EPC2: variants seen among roughly 807,000 people sequenced by gnomAD.
EPC2 encodes enhancer of polycomb 2, also known as enhancer of polycomb homolog 2.
In EPC2, 14 loss-of-function variants were observed where a neutral mutation model predicts 92.1. The observed-to-expected ratio is 0.15, with a 90% CI of 0.10 to 0.24. The LOEUF is 0.24. EPC2 is among the 10% of genes least tolerant of loss of function. EPC2 has a pLI of 1.00. For missense variants in EPC2, 755 were observed against 971.5 expected, an observed-to-expected ratio of 0.78 and a Z score of 2.96; for synonymous variants, 340 against 334.7, an observed-to-expected ratio of 1.02 and a Z score of -0.17.
At chr2:148,750,496 C>G (rs1683065127) in intron 3 of EPC2, among the ~76,000 whole-genome samples, 1 of 151,922 alleles carries the variant, frequency 6.6e-6, no homozygotes, top group African/African-American at 2.4e-5. Context: ...CTTCCATTTT[C>G]TGGGTCTTTG....
chr2:148,714,139 A>G (rs1052980313), intron 2 of EPC2, among the ~76,000 whole-genome samples: 1 of 132,066 alleles, frequency 7.6e-6, no homozygotes, highest in South Asian at 2.4e-4. Context: ...TTCAGCTCCC[A>G]TTTCTAAGTG....
intron 10 of EPC2, among the ~76,000 whole-genome samples, chr2:148,774,957 T>C (rs1380521302): frequency 6.6e-6 from 1 of 150,868 alleles, no homozygotes; most frequent in Non-Finnish European, 1.5e-5. Flanking sequence ...GGCGTGGTGG[T>C]GGGCGCCTGT....
At chr2:148,710,261 C>G (rs1294401944) in intron 2 of EPC2, among the ~76,000 whole-genome samples, 3 of 152,244 alleles carry the variant, frequency 2.0e-5, no homozygotes, top group Admixed American at 6.5e-5. Flanking sequence ...CTCATCATCA[C>G]TGGTCATCAG....
intron 1 of EPC2, among the ~76,000 whole-genome samples, chr2:148,652,927 T>C (rs1317127598): frequency 2.0e-5 from 3 of 152,232 alleles, no homozygotes; most frequent in Non-Finnish European, 4.4e-5. Flanking sequence ...TATTCTGAAG[T>C]TCAGTAGTAC....
At chr2:148,762,923 C>T in intron 6 of EPC2, 121 bp downstream of exon 6, 1 of 1,099,086 alleles carries the variant, frequency 9.1e-7, no homozygotes, top group Non-Finnish European at 1.2e-6. Context: ...GACTTTAGTT[C>T]TTACCATGAG....
intron 8 of EPC2, among the ~76,000 whole-genome samples, chr2:148,769,681 A>T (rs1558835433): frequency 6.6e-6 from 1 of 152,158 alleles, no homozygotes; most frequent in Non-Finnish European, 1.5e-5. Flanking sequence ...TACTTCCATA[A>T]TGGCAATGTT....
At chr2:148,724,218 A>G (rs182597652) in intron 2 of EPC2, among the ~76,000 whole-genome samples, 5 of 152,160 alleles carry the variant, frequency 3.3e-5, no homozygotes, top group Admixed American at 3.3e-4. Flanking sequence ...ATTTTTTTAA[A>G]AATAAATTTT....
rs761508878 is a variant in EPC2, at chr2:148,786,373, CAT to C, written c.2422_2423del (p.Ter808ThrfsTer2). 46 of 1,607,780 alleles carry C rather than the reference CAT, an allele frequency of 2.9e-5. No individual in the cohort carries two copies. Among genetic ancestry groups the C allele is most frequent in the Non-Finnish European group, 3.4e-6 (4 of 1,176,926 alleles). On this transcript the variant is annotated frameshift_variant and stop_lost, in exon 14 of 14. Coordinates refer to ENST00000258484, the MANE Select transcript of EPC2 (RefSeq NM_015630.4). LOFTEE classifies it high-confidence loss of function. ...GAGACAACAGTAGCTATGGAAGTGACATAACCTAAAACACGTGGCTCTGACCT... is the reference window on the plus strand; with the variant it reads ...GAGACAACAGTAGCTATGGAAGTGACAACCTAAAACACGTGGCTCTGACCT...
intron 2 of EPC2, among the ~76,000 whole-genome samples, chr2:148,741,001 CTT>C (rs1682870039): frequency 6.6e-6 from 1 of 152,034 alleles, no homozygotes; most frequent in South Asian, 2.1e-4. Flanking sequence ...ATTAGATTGA[CTT>C]TTTAAAAGCA....
At chr2:148,653,905 T>A (rs1680735711) in intron 1 of EPC2, among the ~76,000 whole-genome samples, 1 of 152,104 alleles carries the variant, frequency 6.6e-6, no homozygotes, top group African/African-American at 2.4e-5. Flanking sequence ...CTCATCTGTT[T>A]AATAAGTATC....
At chr2:148,648,641 C>A (rs1043579310) in intron 1 of EPC2, among the ~76,000 whole-genome samples, 6 of 152,110 alleles carry the variant, frequency 3.9e-5, no homozygotes, top group African/African-American at 1.4e-4. Flanking sequence ...TTCCCATTCC[C>A]CCTCTATCCC....
At chr2:148,763,546 G>T (rs747568824) in intron 6 of EPC2, among the ~76,000 whole-genome samples, 2 of 152,152 alleles carry the variant, frequency 1.3e-5, no homozygotes, top group Admixed American at 6.5e-5. Context: ...ATGACCTAGG[G>T]TGTTTGTGGA....
chr2:148,694,677 T>C (rs1235696497), intron 2 of EPC2, among the ~76,000 whole-genome samples: 1 of 152,242 alleles, frequency 6.6e-6, no homozygotes, highest in African/African-American at 2.4e-5. Flanking sequence ...TGATCTCCTA[T>C]TACCTGTTTT....
intron 1 of EPC2, among the ~76,000 whole-genome samples, chr2:148,685,144 T>A (rs1309721123): frequency 6.6e-6 from 1 of 152,168 alleles, no homozygotes; most frequent in Admixed American, 6.5e-5. Flanking sequence ...TTATAGGTTT[T>A]AGACATTTAA....
intron 2 of EPC2, among the ~76,000 whole-genome samples, chr2:148,737,523 C>T (rs1682781688): frequency 6.6e-6 from 1 of 152,094 alleles, no homozygotes; most frequent in Non-Finnish European, 1.5e-5. Flanking sequence ...TAGACTTCCA[C>T]TACTCTCTTT....
At chr2:148,778,317 G>C (rs182616039) in intron 10 of EPC2, among the ~76,000 whole-genome samples, 1 of 152,098 alleles carries the variant, frequency 6.6e-6, no homozygotes, top group Admixed American at 6.5e-5. Flanking sequence ...ATGGTGCCAC[G>C]ATCACCTCAC....
At chr2:148,725,314 G>A (rs1682472082) in intron 2 of EPC2, among the ~76,000 whole-genome samples, 1 of 151,906 alleles carries the variant, frequency 6.6e-6, no homozygotes, top group East Asian at 1.9e-4. Context: ...TTCATTAAAT[G>A]TTAACACTTA....
In EPC2 at chr2:148,696,476, A is replaced by G. The variant is rs1408223297; in HGVS notation, c.313+6103A>G. 2.6e-5 allele frequency among the ~76,000 whole-genome samples: 4 copies of G among 152,208 alleles called. No homozygotes were observed. The East Asian group carries it at 7.7e-4, about 29-fold the overall frequency. On this transcript the variant is annotated intron_variant, in intron 2 of 13. Transcript: ENST00000258484. ...GACTTAGAGTAAAATACAATGCAAT[A>G]AATTAAAGACCATGGTTAAAGAAAT...
chr2:148,765,769 G>C (rs1683396100), intron 7 of EPC2, among the ~76,000 whole-genome samples: 1 of 152,154 alleles, frequency 6.6e-6, no homozygotes, highest in Non-Finnish European at 1.5e-5. Context: ...CAGGCGTGGT[G>C]GCTCACTCCT....
Sources: allele counts gnomAD v4.1 joint callset (sites outside exome capture counted in the v4.1 genomes callset), GRCh38; gene constraint gnomAD v4.1.1; transcripts MANE v1.5; gene names NCBI Gene and HGNC (gene_info 2026-07-23, HGNC 2026-07-21).